DNAH8: variants seen among roughly 807,000 people sequenced by gnomAD.
DNAH8 encodes dynein axonemal heavy chain 8, also known as axonemal beta dynein heavy chain 8.
In DNAH8, 382 loss-of-function variants were observed where a neutral mutation model predicts 562.1. The ratio of observed to expected loss-of-function variants is 0.68; its 90% CI spans 0.63 to 0.74. The LOEUF (loss-of-function observed/expected upper bound fraction) is 0.74. Ranked by LOEUF, DNAH8 falls within the 30% of genes least tolerant of loss-of-function variation. The probability of loss-of-function intolerance (pLI) is 0.00; values close to 1 mark genes in which losing one functional copy is unlikely to be tolerated. For missense variants in DNAH8, 5,203 were observed against 5,620.4 expected (o/e 0.93, Z 2.37); for synonymous variants, 1,881 against 1,919.4 (o/e 0.98, Z 0.52).
At chr6:38,940,855 T>G (rs1783394704) in intron 79 of DNAH8, among the ~76,000 whole-genome samples, 1 of 152,182 alleles carries the variant, frequency 6.6e-6, no homozygotes, top group Non-Finnish European at 1.5e-5. Context: ...CGGTGGCTAA[T>G]GCCTGTAATC....
At chr6:38,986,021 A>G (rs2150722491) in intron 87 of DNAH8, among the ~76,000 whole-genome samples, 1 of 152,322 alleles carries the variant, frequency 6.6e-6, no homozygotes, top group South Asian at 2.1e-4. Context: ...GGTGAGCACC[A>G]TGGCATACTA....
At chr6:38,797,781 G>A (rs886091055) in intron 21 of DNAH8, among the ~76,000 whole-genome samples, 1 of 152,140 alleles carries the variant, frequency 6.6e-6, no homozygotes, top group African/African-American at 2.4e-5. Context: ...AGTTTAAAAA[G>A]TGATCAAAGA....
intron 88 of DNAH8, among the ~76,000 whole-genome samples, chr6:38,996,646 G>C (rs138754092): frequency 3.2e-4 from 49 of 152,092 alleles, no homozygotes; most frequent in Non-Finnish European, 6.6e-4. Context: ...CCTAGAATAG[G>C]GATGATCATG....
rs180782295 is a variant in DNAH8 at position 38,979,246 on chromosome 6, T to C, written c.12835-3100T>C. Among the ~76,000 whole-genome samples the C allele has an allele frequency of 2.0e-5, 3 of 152,370 alleles. No individual in the cohort carries two copies. In the East Asian group the frequency reaches 5.8e-4, roughly 29 times the overall value. On this transcript the variant is annotated intron_variant, in intron 85 of 92. Coordinates refer to ENST00000327475, the MANE Select transcript of DNAH8 (RefSeq NM_001206927.2). ...CTTATCATTGTGAAATTTTGACAGT[T>C]AATTATATTCACTATCCCATTATTC...
At chr6:38,844,790 A>G (rs1241666321) in intron 35 of DNAH8, among the ~76,000 whole-genome samples, 1 of 152,200 alleles carries the variant, frequency 6.6e-6, no homozygotes, top group Non-Finnish European at 1.5e-5. Context: ...CCTTCAGTAC[A>G]GAATTTCCTC....
At chr6:38,858,960 A>G (rs1239485428) in intron 42 of DNAH8, among the ~76,000 whole-genome samples, 3 of 152,196 alleles carry the variant, frequency 2.0e-5, no homozygotes, top group African/African-American at 7.2e-5. Context: ...TGCTGAGCAA[A>G]CTTTACTTTA....
At chr6:38,996,669 G>A (rs1010255531) in intron 88 of DNAH8, among the ~76,000 whole-genome samples, 1 of 149,208 alleles carries the variant, frequency 6.7e-6, no homozygotes, top group Non-Finnish European at 1.5e-5. Flanking sequence ...GTGGAGTGAA[G>A]CTGCAGGACA....
At chr6:38,800,852 C>T (rs1310163305) in intron 21 of DNAH8, among the ~76,000 whole-genome samples, 2 of 152,082 alleles carry the variant, frequency 1.3e-5, no homozygotes, top group Non-Finnish European at 2.9e-5. Context: ...TGTATGCTTT[C>T]CTTCAGAAGT....
intron 32 of DNAH8, among the ~76,000 whole-genome samples, chr6:38,836,475 A>C (rs986056056): frequency 9.3e-5 from 14 of 151,276 alleles, no homozygotes; most frequent in African/African-American, 2.7e-4. Flanking sequence ...ACAACAACAA[A>C]AAAACCCAAC....
chr6:38,747,942 T>C (rs1562635672), intron 8 of DNAH8, among the ~76,000 whole-genome samples: 1 of 152,260 alleles, frequency 6.6e-6, no homozygotes, highest in African/African-American at 2.4e-5. Flanking sequence ...TTCATCATGT[T>C]AATGTGTGCA....
At chr6:38,901,543 T>C (rs905246259) in intron 62 of DNAH8, among the ~76,000 whole-genome samples, 3 of 152,206 alleles carry the variant, frequency 2.0e-5, no homozygotes, top group Non-Finnish European at 4.4e-5. Flanking sequence ...TCTATCTTTG[T>C]ATCATTACCT....
chr6:38,800,819 G>A (rs955880307), intron 21 of DNAH8, among the ~76,000 whole-genome samples: 3 of 152,174 alleles, frequency 2.0e-5, no homozygotes, highest in Non-Finnish European at 2.9e-5. Flanking sequence ...ACCGTGCCCT[G>A]CCTCCTGTGC....
intron 56 of DNAH8, 40 bp from the exon 57 acceptor site, chr6:38,886,751 T>C (rs1364539238): frequency 3.5e-6 from 5 of 1,428,838 alleles, no homozygotes; most frequent in Middle Eastern, 1.7e-4. Context: ...AGGAATATGA[T>C]AGTGATATGT....
At chr6:38,930,115 C>T (rs914926303) in intron 75 of DNAH8, among the ~76,000 whole-genome samples, 1 of 152,038 alleles carries the variant, frequency 6.6e-6, no homozygotes, top group South Asian at 2.1e-4. Flanking sequence ...TTAATAAAGT[C>T]ATTGATTTGG....
At chr6:38,819,540 A>G (rs1678707) in intron 26 of DNAH8, among the ~76,000 whole-genome samples, 75,117 of 151,974 alleles carry the variant, frequency 0.49, 19,550 homozygotes, top group East Asian at 0.7. Context: ...TTTTCCAATA[A>G]TGTCATCTGT....
intron 71 of DNAH8, among the ~76,000 whole-genome samples, chr6:38,922,614 A>G (rs1365117083): frequency 1.3e-5 from 2 of 152,186 alleles, no homozygotes; most frequent in Admixed American, 6.5e-5. Flanking sequence ...AAATTTAACA[A>G]TTGGCTCTTA....
intron 49 of DNAH8, 105 bp downstream of exon 49, chr6:38,870,667 A>T (rs1277917401): frequency 8.8e-7 from 1 of 1,135,384 alleles, no homozygotes; most frequent in African/African-American, 1.6e-5. Context: ...TAAATGTTAA[A>T]TGAAAACATC....
intron 15 of DNAH8, 138 bp from the exon 16 acceptor site, chr6:38,781,116 G>A (rs1291675660): frequency 1.3e-6 from 1 of 798,846 alleles, no homozygotes; most frequent in Non-Finnish European, 1.9e-6. Flanking sequence ...TACCTTGGAT[G>A]TGCATTTACA....
At chr6:38,802,468 T>C (rs1770869549) in intron 21 of DNAH8, among the ~76,000 whole-genome samples, 1 of 152,220 alleles carries the variant, frequency 6.6e-6, no homozygotes, top group African/African-American at 2.4e-5. Flanking sequence ...TTATTGAACT[T>C]TATAAACTAG....
Sources: allele counts gnomAD v4.1 joint callset (sites outside exome capture counted in the v4.1 genomes callset), GRCh38; gene constraint gnomAD v4.1.1; transcripts MANE v1.5; gene names NCBI Gene and HGNC (gene_info 2026-07-23, HGNC 2026-07-21).